MAPK13: variants seen among roughly 807,000 people sequenced by gnomAD.
MAPK13 encodes the protein mitogen-activated protein kinase 13.
A neutral mutation model predicts 53.5 loss-of-function variants in MAPK13; 39 were observed. The ratio of observed to expected loss-of-function variants is 0.73; its 90% CI spans 0.56 to 0.95. The LOEUF (loss-of-function observed/expected upper bound fraction) is 0.95. Among genes scored for constraint, MAPK13 ranks in the 40% least tolerant of loss-of-function variants. The pLI is 0.00. For missense variants in MAPK13, 460 were observed against 471.8 expected (o/e 0.98, Z 0.23); for synonymous variants, 179 against 190.9 (o/e 0.94, Z 0.51).
At position 36,138,878 on chromosome 6, in the gene MAPK13, G is replaced by GCCC; in HGVS notation, c.842_843insCCC (p.Ala281_Ala282insPro). 6.2e-7 allele frequency: 1 copy of GCCC among 1,610,560 alleles called. No individual in the cohort carries two copies. Among genetic ancestry groups the GCCC allele is most frequent in the Non-Finnish European group, 8.5e-7 (1 of 1,178,300 alleles). ...TGAGGCTCTTGGCTCTGCCCCTGCA[G>GCCC]CTGCGGACCTGCTGGAGAAGATGCT... is the stretch of plus-strand genomic sequence containing the variant. On this transcript the variant is annotated inframe_insertion and splice_region_variant. Coordinates refer to ENST00000211287, the MANE Select transcript of MAPK13 (RefSeq NM_002754.5).
In MAPK13 at chr6:36,130,739, GC is replaced by G; in HGVS notation, c.119+40del. On this transcript the variant is annotated intron_variant, in intron 1 of 11. Transcript: ENST00000211287. The surrounding 1 kb of genome is among the most constrained non-coding windows in gnomAD (Gnocchi z 4.5). ...GGCCGCTGGGGGGCGGGGGGCGGGC[GC>G]CAGGCTCTCCCCTTTCCGCCCAGCC... 8.9e-7 allele frequency: 1 copy of G among 1,120,582 alleles called. No individual in the cohort carries two copies. Among genetic ancestry groups the G allele is most frequent in the Non-Finnish European group, 1.3e-6 (1 of 787,312 alleles). 69.4% of individuals were successfully genotyped at this position (1,120,582 alleles called of 1,614,324 possible).
chr6:36,134,895 T>C (rs757957506), intron 3 of MAPK13, among the ~76,000 whole-genome samples: 3 of 152,174 alleles, frequency 2.0e-5, no homozygotes, highest in Non-Finnish European at 2.9e-5. Context: ...GCACCTGTAG[T>C]TGTAGCTACT....
At position 36,136,489 on chromosome 6, in the gene MAPK13, G is replaced by A; in HGVS notation, c.453G>A (p.Leu151=). 1 of 1,598,036 alleles carries A rather than the reference G, an allele frequency of 6.3e-7. No homozygotes were observed. Among genetic ancestry groups the A allele is most frequent in the African/African-American group, 1.3e-5 (1 of 74,492 alleles). ...IHSAGVVHRD[L]KPGNLAVNED... ...ATTCTCTGTCCTCCCCCCAGGACCT[G>A]AAGCCAGGCAACCTGGCTGTGAATG... The change falls in exon 6 of 12, where the codon CTG becomes CTA. Residue 151 remains leucine, a synonymous_variant. Coordinates refer to ENST00000211287, the MANE Select transcript of MAPK13 (RefSeq NM_002754.5).
At chr6:36,133,814 A>G (rs1581880900) in intron 3 of MAPK13, among the ~76,000 whole-genome samples, 1 of 152,176 alleles carries the variant, frequency 6.6e-6, no homozygotes, top group Non-Finnish European at 1.5e-5. Flanking sequence ...ATGAAAGAGA[A>G]GATCCAAGAG....
At chr6:36,136,568 G>A in intron 6 of MAPK13, 37 bp downstream of exon 6, 2 of 1,595,290 alleles carry the variant, frequency 1.3e-6, no homozygotes, top group Non-Finnish European at 1.7e-6. Flanking sequence ...AGGCGGGATA[G>A]GCCCTCCCCC....
chr6:36,135,011 T>A (rs753252623), intron 3 of MAPK13, among the ~76,000 whole-genome samples: 49 of 152,152 alleles, frequency 3.2e-4, no homozygotes, highest in Admixed American at 5.9e-4. Context: ...CAAGACTCCA[T>A]CTCAAAGAAA....
In MAPK13 at chr6:36,139,013, G is replaced by C; in HGVS notation, c.976G>C (p.Asp326His). The change falls in exon 11 of 12, where the codon GAT becomes CAT. Residue 326 changes from aspartate to histidine, a missense_variant. Coordinates refer to ENST00000211287, the MANE Select transcript of MAPK13 (RefSeq NM_002754.5). The part of the protein sequence containing the change: ...EETEAQQPFD[D>H]SLEHEKLTVD... ...GACGGAGGCCCAGCAGCCGTTTGAT[G>C]ATTCCTTAGAACACGAGAAACTCAC... The C allele has an allele frequency of 6.2e-7, 1 of 1,611,956 alleles. No homozygotes were observed. Among genetic ancestry groups the C allele is most frequent in the Non-Finnish European group, 8.5e-7 (1 of 1,179,364 alleles).
rs1302560874 is a variant in MAPK13, at chr6:36,136,656, A to G, written c.496A>G (p.Ile166Val). ...LAVNEDCELK[I>V]LDFGLARHAD... ...TTTCTATTTATCCCCTGTGCCATAGATTCTGGATTTTGGGCTGGCGCGACA... is the reference window on the plus strand; with the variant it reads ...TTTCTATTTATCCCCTGTGCCATAGGTTCTGGATTTTGGGCTGGCGCGACA... The change falls in exon 7 of 12, where the codon ATT (isoleucine) becomes GTT (valine). Residue 166 changes from isoleucine to valine, a missense_variant and splice_region_variant. Transcript: ENST00000211287. The G allele has an allele frequency of 6.2e-7, 1 of 1,613,586 alleles. No individual in the cohort carries two copies. The highest frequency in any genetic ancestry group is 8.5e-7 in the Non-Finnish European group (1 of 1,179,784).
intron 3 of MAPK13, among the ~76,000 whole-genome samples, chr6:36,135,458 CA>C (rs1310397850): frequency 2.0e-5 from 3 of 152,186 alleles, no homozygotes; most frequent in African/African-American, 7.2e-5. Context: ...TGGAGGAGGG[CA>C]AGGAGAGAGT....
chr6:36,131,967 T>A (rs939829325), intron 2 of MAPK13, among the ~76,000 whole-genome samples: 1 of 152,200 alleles, frequency 6.6e-6, no homozygotes, highest in Non-Finnish European at 1.5e-5. Context: ...GACCATCAGA[T>A]TGTCTTGTCT....
In MAPK13 at chr6:36,138,980, G is replaced by A; in HGVS notation, c.943G>A (p.Glu315Lys). 6.2e-7 allele frequency: 1 copy of A among 1,613,900 alleles called. No individual in the cohort carries two copies. The highest frequency in any genetic ancestry group is 8.5e-7 in the Non-Finnish European group (1 of 1,179,946). Residue 315 changes from glutamate to lysine, a missense_variant, in exon 11 of 12, where the codon GAG (glutamate) becomes AAG (lysine). Coordinates refer to ENST00000211287, the MANE Select transcript of MAPK13 (RefSeq NM_002754.5). The part of the protein sequence containing the change: ...HPFFEPFRDP[E>K]EETEAQQPFD... The stretch of plus-strand genomic sequence containing the variant: ...CTTCTTTGAACCCTTCCGGGACCCT[G>A]AGGAAGAGACGGAGGCCCAGCAGCC...
At position 36,140,005 on chromosome 6, in the gene MAPK13, TA is replaced by T. The variant is rs1766503982; in HGVS notation, c.*635del. On this transcript the variant is annotated 3_prime_UTR_variant, in exon 12 of 12. Transcript: ENST00000211287. ...TGATCTTATCTTGATCCTTATTAAT[TA>T]AACCTGCAAATACTCTAGTTCCAAA... 1 of 152,276 alleles carries T rather than the reference TA, an allele frequency of 6.6e-6. No individual in the cohort carries two copies. The highest frequency in any genetic ancestry group is 6.5e-5 in the Admixed American group (1 of 15,288). The allele number at this position is 152,276 out of a possible 1,614,324, so 9.4% of individuals were successfully genotyped here.
Position 36,131,331 on chromosome 6 carries a change from T to G in MAPK13, c.180T>G (p.Phe60Leu), listed in dbSNP as rs1766317620. ...CCATCAAGAAGCTGAGCCGACCCTT[T>G]CAGTCCGAGATCTTCGCCAAGCGCG... is the stretch of plus-strand genomic sequence containing the variant. ...KVAIKKLSRP[F>L]QSEIFAKRAY... is the part of the protein sequence containing the mutation. Residue 60 changes from phenylalanine (F) to leucine (L), a missense_variant, in exon 2 of 12, where the codon TTT becomes TTG. Physicochemically the swap from Phe to Leu is conservative, Grantham distance 22 (BLOSUM62 0). Transcript: ENST00000211287. 6.2e-7 allele frequency: 1 copy of G among 1,613,520 alleles called. No individual in the cohort carries two copies. Among genetic ancestry groups the G allele is most frequent in the Non-Finnish European group, 8.5e-7 (1 of 1,179,802 alleles).
chr6:36,134,799 AG>A (rs1255127655), intron 3 of MAPK13, among the ~76,000 whole-genome samples: 1 of 151,960 alleles, frequency 6.6e-6, no homozygotes, highest in Non-Finnish European at 1.5e-5. Context: ...AGATCACCTG[AG>A]GTCAGGAGTT....
intron 3 of MAPK13, 48 bp downstream of exon 3, chr6:36,132,727 C>A (rs1234173054): frequency 5.0e-6 from 8 of 1,600,448 alleles, no homozygotes; most frequent in Non-Finnish European, 6.0e-6. Flanking sequence ...GCCTTACATG[C>A]CGCTGGGGAG....
intron 3 of MAPK13, among the ~76,000 whole-genome samples, chr6:36,134,190 C>T (rs899933013): frequency 4.6e-5 from 7 of 152,016 alleles, no homozygotes; most frequent in African/African-American, 1.7e-4. Context: ...AGAACCAGTG[C>T]CCGAGTGGAG....
intron 3 of MAPK13, among the ~76,000 whole-genome samples, chr6:36,135,474 T>C (rs562283972): frequency 1.3e-5 from 2 of 152,328 alleles, no homozygotes; most frequent in South Asian, 2.1e-4. Context: ...GAGAGTACCT[T>C]TGAAGAGCGG....
chr6:36,136,771 G>T lies in MAPK13; in HGVS notation c.610+1G>T. 1 of 1,613,942 alleles carries T rather than the reference G, an allele frequency of 6.2e-7. No homozygotes were observed. The highest frequency in any genetic ancestry group is 8.5e-7 in the Non-Finnish European group (1 of 1,179,836). ...AGCTGGATGCACTACAACCAGACAG[G>T]TCAGTGGTCAATGCCTGAGAGGGCG... is the stretch of plus-strand genomic sequence containing the variant. On this transcript the variant is annotated splice_donor_variant, in intron 7 of 11. Coordinates refer to ENST00000211287, the MANE Select transcript of MAPK13 (RefSeq NM_002754.5). LOFTEE classifies it high-confidence loss of function.
chr6:36,132,634 T>C lies in MAPK13; in HGVS notation c.263T>C (p.Leu88Pro), dbSNP rs780728892. 14 of 1,614,112 alleles carry C rather than the reference T, an allele frequency of 8.7e-6. No homozygotes were observed. The highest frequency in any genetic ancestry group is 5.0e-5 in the Admixed American group (3 of 60,018). ...CTTCTTCCCCAGGTCATTGGGCTCCTGGATGTCTTCACCCCAGCCTCCTCC... is the reference window on the plus strand; with the variant it reads ...CTTCTTCCCCAGGTCATTGGGCTCCCGGATGTCTTCACCCCAGCCTCCTCC... Reference protein sequence around the residue: ...HMQHENVIGLLDVFTPASSLR... With the variant: ...HMQHENVIGLPDVFTPASSLR... The change falls in exon 3 of 12, where the codon CTG becomes CCG. Residue 88 changes from leucine (L) to proline (P), a missense_variant. Transcript: ENST00000211287.
Sources: allele counts gnomAD v4.1 joint callset (sites outside exome capture counted in the v4.1 genomes callset), GRCh38; gene constraint gnomAD v4.1.1; non-coding constraint Gnocchi (gnomAD v3.1); transcripts MANE v1.5; gene names NCBI Gene and HGNC (gene_info 2026-07-23, HGNC 2026-07-21).